Variants in RICTOR observed in about 807,000 individuals in gnomAD.
The protein encoded by RICTOR is rapamycin-insensitive companion of mTOR.
Under a neutral mutation model 214.9 loss-of-function variants are expected in RICTOR, and 49 were observed. That is an observed-to-expected ratio of 0.23 (90% CI 0.18 to 0.29). RICTOR has a LOEUF of 0.29. Ranked by LOEUF, RICTOR falls within the 10% of genes least tolerant of loss-of-function variation. The pLI, the probability that RICTOR is intolerant of heterozygous loss-of-function variation, is 1.00. For synonymous variants in RICTOR, 717 were observed against 711.3 expected, an observed-to-expected ratio of 1.01 and a Z score of -0.13; for missense variants, 1,625 against 2,047.0, an observed-to-expected ratio of 0.79 and a Z score of 3.98.
In RICTOR at chr5:38,968,730, T is replaced by C. The variant is rs370839272; in HGVS notation, c.973-700A>G. Among the ~76,000 whole-genome samples, 952 of 148,448 alleles carry C rather than the reference T, an allele frequency of 6.4e-3. 17 individuals are homozygous for C. Among genetic ancestry groups the C allele is most frequent in the African/African-American group, 0.023 (910 of 40,162 alleles). On this transcript the variant is annotated intron_variant, in intron 11 of 37. Transcript: ENST00000357387. ...TCTAGCCTGGGTGACAGCAAGACCC[T>C]GCCTCTTAAAAAAAAAAAAAAAAAG...
Position 38,957,657 on chromosome 5 carries a change from G to A in RICTOR, c.2494C>T (p.His832Tyr), listed in dbSNP as rs376028704. The change falls in exon 25 of 38, where the codon CAC becomes TAC. Residue 832 changes from histidine (H) to tyrosine (Y), a missense_variant. By Grantham distance (83) the His-to-Tyr change is moderately conservative. Coordinates refer to ENST00000357387, the MANE Select transcript of RICTOR (RefSeq NM_152756.5). ...TTATTCAAATAAGAAGTTACCCTGT[G>A]CCACTTTTCCAATTGTTTTGCTACA... ...GYVAKQLEKW[H>Y]REYNSKYVDL... 14 of 1,530,872 alleles carry A rather than the reference G, an allele frequency of 9.1e-6. No individual in the cohort carries two copies. The African/African-American group carries it at 1.8e-4, about 20-fold the overall frequency. 94.8% of individuals were successfully genotyped at this position (1,530,872 alleles called of 1,614,324 possible). A position where few individuals can be genotyped will look rare whatever the true frequency, so the allele number is the denominator to read the frequency against.
intron 2 of RICTOR, among the ~76,000 whole-genome samples, chr5:39,067,732 G>A (rs186287963): frequency 6.2e-4 from 95 of 152,258 alleles, no homozygotes; most frequent in African/African-American, 1.8e-3. Flanking sequence ...TGAAATTCAA[G>A]GTGCAAAGCT....
chr5:38,965,751 T>G (rs1227985809), intron 15 of RICTOR, among the ~76,000 whole-genome samples: 1 of 152,062 alleles, frequency 6.6e-6, no homozygotes, highest in Non-Finnish European at 1.5e-5. Context: ...TTCTGCTTAA[T>G]GCTCTTTACC....
Position 38,944,896 on chromosome 5 carries a change from TG to T in RICTOR, c.4789+16del, listed in dbSNP as rs368774935. On this transcript the variant is annotated intron_variant, in intron 35 of 37. Transcript: ENST00000357387. ...CAGTTTTACTAATAATGATTGGATT[TG>T]AATCTGAAGACTCACCTAGTAACAA... The T allele has an allele frequency of 2.2e-4, 351 of 1,610,376 alleles. 3 individuals are homozygous for T. In the South Asian group the frequency reaches 3.7e-3, roughly 17 times the overall value.
At chr5:38,967,311 G>C (rs1750320999) in intron 13 of RICTOR, 26 bp downstream of exon 13, 18 of 1,598,466 alleles carry the variant, frequency 1.1e-5, no homozygotes, top group Non-Finnish European at 1.5e-5. Context: ...CTAATAAATT[G>C]AAACCCTTTT....
At chr5:39,065,969 G>A (rs1561083395) in intron 2 of RICTOR, among the ~76,000 whole-genome samples, 1 of 152,222 alleles carries the variant, frequency 6.6e-6, no homozygotes, top group African/African-American at 2.4e-5. Context: ...CTGTGGTCTG[G>A]AGGATGGTAG....
intron 25 of RICTOR, among the ~76,000 whole-genome samples, 198 bp from the exon 26 acceptor site, chr5:38,955,902 A>G (rs924551062): frequency 6.6e-6 from 1 of 151,964 alleles, no homozygotes; most frequent in African/African-American, 2.4e-5. Flanking sequence ...TTCCTCACAA[A>G]TCTGAGCTCC....
chr5:38,971,547 A>ATTT (rs10676528), intron 11 of RICTOR: 131,146 of 142,842 alleles, frequency 0.92, 60,407 homozygotes, highest in East Asian at 0.97. Flanking sequence ...TAATTTTTGT[A>ATTT]TTTTTTTTTT....
chr5:39,069,192 T>C (rs1759123398), intron 2 of RICTOR, among the ~76,000 whole-genome samples: 1 of 152,052 alleles, frequency 6.6e-6, no homozygotes, highest in East Asian at 1.9e-4. Flanking sequence ...AGAGGGAGAG[T>C]TTTGCTTACA....
intron 15 of RICTOR, among the ~76,000 whole-genome samples, chr5:38,965,848 C>T (rs971664308): frequency 3.3e-5 from 5 of 152,078 alleles, no homozygotes; most frequent in African/African-American, 7.2e-5. Context: ...AAACAAAAAA[C>T]ATCTGCTAAA....
At chr5:39,004,731 T>C (rs916110320) in intron 3 of RICTOR, among the ~76,000 whole-genome samples, 1 of 150,716 alleles carries the variant, frequency 6.6e-6, no homozygotes, top group Non-Finnish European at 1.5e-5. Flanking sequence ...CCTCCTGAAG[T>C]GCTGGGATTA....
At chr5:38,991,573 G>C (rs1684568962) in intron 6 of RICTOR, among the ~76,000 whole-genome samples, 1 of 151,790 alleles carries the variant, frequency 6.6e-6, no homozygotes, top group Non-Finnish European at 1.5e-5. Context: ...CTCTCACTCT[G>C]ACTACTGCAA....
intron 2 of RICTOR, among the ~76,000 whole-genome samples, chr5:39,060,258 C>A (rs1438856232): frequency 2.0e-5 from 3 of 151,976 alleles, no homozygotes; most frequent in Non-Finnish European, 4.4e-5. Context: ...AATAAAAATT[C>A]AAAGTATGTA....
chr5:39,032,396 A>T (rs1220384720), intron 2 of RICTOR, among the ~76,000 whole-genome samples: 2 of 152,232 alleles, frequency 1.3e-5, no homozygotes, highest in Admixed American at 6.5e-5. Context: ...TCAATCAATT[A>T]CAATGGCAAG....
At chr5:38,945,462 T>G in intron 34 of RICTOR, 29 bp downstream of exon 34, 1 of 1,466,062 alleles carries the variant, frequency 6.8e-7, no homozygotes, top group South Asian at 1.2e-5. Context: ...ATCACTAGGT[T>G]TTTCTGAAGG....
intron 19 of RICTOR, 61 bp downstream of exon 19, chr5:38,962,254 A>C: frequency 2.1e-4 from 148 of 703,624 alleles, no homozygotes; most frequent in Non-Finnish European, 3.4e-4. Context: ...TTTAGCAGGT[A>C]TTAGGCCTAA....
intron 10 of RICTOR, among the ~76,000 whole-genome samples, chr5:38,974,917 TCACAATA>T (rs1434525609): frequency 1.3e-5 from 2 of 152,290 alleles, no homozygotes; most frequent in East Asian, 3.9e-4. Context: ...TGCTACCCCT[TCACAATA>T]ATACTAAATC....
chr5:39,002,792 C>T (rs1418186052), intron 4 of RICTOR, 126 bp from the exon 5 acceptor site: 1 of 858,272 alleles, frequency 1.2e-6, no homozygotes, highest in Non-Finnish European at 1.8e-6. Flanking sequence ...ATTCTAAGAG[C>T]ATTCTACATA....
intron 33 of RICTOR, among the ~76,000 whole-genome samples, 162 bp from the exon 34 acceptor site, chr5:38,945,886 A>G (rs1748132866): frequency 6.6e-6 from 1 of 152,192 alleles, no homozygotes; most frequent in Non-Finnish European, 1.5e-5. Context: ...AAAATAAGGA[A>G]AGCCAGCAGA....
Sources: gnomAD v4.1 joint callset for allele counts (sites outside exome capture counted in the v4.1 genomes callset) on GRCh38, gnomAD v4.1.1 for gene constraint, MANE v1.5 for transcripts, NCBI Gene and HGNC (gene_info 2026-07-23, HGNC 2026-07-21) for gene names.